Variants in FRMD3 observed in about 807,000 individuals in gnomAD.
FRMD3 encodes the protein FERM domain containing 3, also known as FERM domain-containing protein 3.
In FRMD3, 33 loss-of-function variants were observed where a neutral mutation model predicts 70.2. The observed-to-expected ratio is 0.47, with a 90% CI of 0.36 to 0.63. The LOEUF (loss-of-function observed/expected upper bound fraction) is 0.63. FRMD3 is among the 20% of genes least tolerant of loss of function. The pLI is 0.00. For missense variants in FRMD3, 632 were observed against 711.4 expected (o/e 0.89, Z 1.27); for synonymous variants, 279 against 255.9 (o/e 1.09, Z -0.86).
intron 1 of FRMD3, among the ~76,000 whole-genome samples, chr9:83,424,205 T>C (rs1391603750): frequency 1.3e-5 from 2 of 152,210 alleles, no homozygotes; most frequent in African/African-American, 4.8e-5. Context: ...TGTTCAACGC[T>C]GGCCTTGAGC....
intron 1 of FRMD3, among the ~76,000 whole-genome samples, chr9:83,530,419 C>A (rs1236462860): frequency 1.3e-5 from 2 of 152,114 alleles, no homozygotes; most frequent in African/African-American, 4.8e-5. Context: ...CCATTTTTAT[C>A]AAATGTCCAG....
intron 6 of FRMD3, among the ~76,000 whole-genome samples, chr9:83,330,853 T>C (rs960727173): frequency 6.6e-6 from 1 of 152,186 alleles, no homozygotes; most frequent in African/African-American, 2.4e-5. Context: ...TATCATCTAG[T>C]TCACATGATA....
rs551421391 is a variant in FRMD3, at chr9:83,512,524, C to G, written c.147+25561G>C. Among the ~76,000 whole-genome samples, 12 of 152,310 alleles carry G rather than the reference C, an allele frequency of 7.9e-5. No homozygotes were observed. The South Asian group carries it at 2.5e-3, about 32-fold the overall frequency. ...ATTTAGTTAATGGTTACTGGCTGAT[C>G]CATCCACTGATCGCAGAACCTTTCT... On this transcript the variant is annotated intron_variant, in intron 1 of 13. Coordinates refer to ENST00000304195, the MANE Select transcript of FRMD3 (RefSeq NM_174938.6).
rs574955313 is a variant in FRMD3, at chr9:83,350,188, T to C, written c.296-431A>G. On this transcript the variant is annotated intron_variant, in intron 3 of 13. Transcript: ENST00000304195. ...TGTGAGGTGGAAAAAAAAATGTCAC[T>C]GCACATGACTAGTTTTCCCAAAATG... 2.0e-5 allele frequency among the ~76,000 whole-genome samples: 3 copies of C among 152,300 alleles called. No individual in the cohort carries two copies. In the South Asian group the frequency reaches 6.2e-4, roughly 32 times the overall value.
At chr9:83,331,095 T>C (rs2131126063) in intron 6 of FRMD3, among the ~76,000 whole-genome samples, 1 of 152,334 alleles carries the variant, frequency 6.6e-6, no homozygotes, top group South Asian at 2.1e-4. Context: ...GCAATCATGG[T>C]GTTTGGTATT....
At chr9:83,348,927 G>C (rs956644720) in intron 4 of FRMD3, among the ~76,000 whole-genome samples, 5 of 152,168 alleles carry the variant, frequency 3.3e-5, no homozygotes, top group Non-Finnish European at 7.4e-5. Flanking sequence ...CCAATGATCA[G>C]AGCAGATTAC....
intron 13 of FRMD3, among the ~76,000 whole-genome samples, chr9:83,252,305 T>C (rs1183108998): frequency 6.6e-6 from 1 of 152,116 alleles, no homozygotes; most frequent in Non-Finnish European, 1.5e-5. Context: ...AAGATTCTTT[T>C]TAGAAAAGCA....
chr9:83,573,723 T>C, the FRMD3 span, among the ~76,000 whole-genome samples: 1 of 149,542 alleles, frequency 6.7e-6, no homozygotes, highest in African/African-American at 2.5e-5. Context: ...GGTCCAGTAA[T>C]TAGGAAAAGA....
At chr9:83,335,847 C>A (rs1823560098) in intron 5 of FRMD3, among the ~76,000 whole-genome samples, 1 of 152,138 alleles carries the variant, frequency 6.6e-6, no homozygotes, top group Admixed American at 6.6e-5. Flanking sequence ...TCTTGAGAAT[C>A]TTCTCTGGGT....
chr9:83,498,164 C>T (rs1294277076), intron 1 of FRMD3, among the ~76,000 whole-genome samples: 1 of 119,636 alleles, frequency 8.4e-6, no homozygotes, highest in Admixed American at 8.7e-5. Flanking sequence ...AGCAAGACTC[C>T]GTCTCCAAAA....
At chr9:83,461,155 A>T (rs1043865712) in intron 1 of FRMD3, among the ~76,000 whole-genome samples, 1 of 152,226 alleles carries the variant, frequency 6.6e-6, no homozygotes, top group Non-Finnish European at 1.5e-5. Flanking sequence ...ATTACCATGG[A>T]TCATACACAT....
chr9:83,267,150 C>T lies in FRMD3; in HGVS notation c.1196-18634G>A, dbSNP rs1019756347. ...AAGCATTTTGCCATACTGGTTATTC[C>T]AATCCCCTTGGTCTCCTCGGCCTGC... On this transcript the variant is annotated intron_variant, in intron 13 of 13. Transcript: ENST00000304195. The T allele has an allele frequency of 5.8e-6, 9 of 1,550,506 alleles. No individual in the cohort carries two copies. In the African/African-American group the frequency reaches 1.2e-4, roughly 21 times the overall value.
chr9:83,411,745 G>A (rs1587827933), intron 1 of FRMD3, among the ~76,000 whole-genome samples: 1 of 152,158 alleles, frequency 6.6e-6, no homozygotes, highest in African/African-American at 2.4e-5. Context: ...TCATCTCATC[G>A]AAAAGGACTG....
At chr9:83,387,306 G>A (rs1224752861) in intron 2 of FRMD3, among the ~76,000 whole-genome samples, 1 of 152,020 alleles carries the variant, frequency 6.6e-6, no homozygotes, top group Non-Finnish European at 1.5e-5. Flanking sequence ...GATTAGGATG[G>A]ACTCATGGAT....
Position 83,438,917 on chromosome 9 carries a change from G to A in FRMD3, c.148-49209C>T, listed in dbSNP as rs150728425. 4.6e-5 allele frequency among the ~76,000 whole-genome samples: 7 copies of A among 152,294 alleles called. No homozygotes were observed. In the East Asian group the frequency reaches 5.8e-4, roughly 13 times the overall value. ...TCCTCCCACAAAACAAATGGCTGCC[G>A]TAGGTCTCTCTCCAGAGAAAGAAAA... On this transcript the variant is annotated intron_variant, in intron 1 of 13. Coordinates refer to ENST00000304195, the MANE Select transcript of FRMD3 (RefSeq NM_174938.6).
intron 1 of FRMD3, among the ~76,000 whole-genome samples, chr9:83,497,932 G>A (rs1454201353): frequency 2.0e-5 from 3 of 152,194 alleles, no homozygotes; most frequent in Non-Finnish European, 4.4e-5. Context: ...TGGATCACCT[G>A]AGGTCAGGAG....
intron 13 of FRMD3, among the ~76,000 whole-genome samples, chr9:83,259,069 G>A (rs554398011): frequency 3.9e-5 from 6 of 152,304 alleles, no homozygotes; most frequent in Admixed American, 1.3e-4. Flanking sequence ...TTTTATAGAT[G>A]CCACAATGAT....
intron 13 of FRMD3, chr9:83,279,392 A>G (rs997595260): frequency 6.6e-6 from 1 of 152,220 alleles, no homozygotes; most frequent in Non-Finnish European, 1.5e-5. Flanking sequence ...CCCATTTTTC[A>G]TGTCTCAGTT....
rs553032664 is a variant in FRMD3 at position 83,537,243 on chromosome 9, C to T, written c.147+842G>A. 1.3e-5 allele frequency among the ~76,000 whole-genome samples: 2 copies of T among 152,146 alleles called. No individual in the cohort carries two copies. Among genetic ancestry groups the T allele is most frequent in the Admixed American group, 1.3e-4 (2 of 15,282 alleles). On this transcript the variant is annotated intron_variant, in intron 1 of 13. Coordinates refer to ENST00000304195, the MANE Select transcript of FRMD3 (RefSeq NM_174938.6). The surrounding 1 kb of genome is among the most constrained non-coding windows in gnomAD (Gnocchi z 4.1). The stretch of plus-strand genomic sequence containing the variant: ...TGACAGCCCAGAGGCACTTACTACC[C>T]GAGGACAGGGCTGCCAGCAAAGCTG...
Sources: gnomAD v4.1 joint callset for allele counts (sites outside exome capture counted in the v4.1 genomes callset) on GRCh38, gnomAD v4.1.1 for gene constraint, Gnocchi (gnomAD v3.1) non-coding constraint, MANE v1.5 for transcripts, NCBI Gene and HGNC (gene_info 2026-07-23, HGNC 2026-07-21) for gene names.